The following ADGRD2 variants were observed in gnomAD, a reference collection of about 807,000 sequenced individuals.
ADGRD2 encodes G protein-coupled receptor PGR24.
In ADGRD2, 71 loss-of-function variants were observed where a neutral mutation model predicts 44.4. That is an observed-to-expected ratio of 1.60 (90% CI 1.32 to 1.95). The LOEUF (loss-of-function observed/expected upper bound fraction) is 1.95. Among genes scored for constraint, ADGRD2 ranks in the 30% most tolerant of loss-of-function variants. ADGRD2 has a pLI of 0.00. For synonymous variants in ADGRD2, 481 were observed against 224.8 expected, an observed-to-expected ratio of 2.14 and a Z score of -10.19; for missense variants, 1,039 against 512.4, an observed-to-expected ratio of 2.03 and a Z score of -9.92.
chr9:124,454,106 T>C lies in ADGRD2; in HGVS notation c.1022+9T>C, dbSNP rs907089131. ...CTGCTGCTACCGGACAGGTGCGCCC[T>C]GGCTGTACCCCTGGGCTCTGCTGAA... is the stretch of plus-strand genomic sequence containing the variant. On this transcript the variant is annotated intron_variant, in intron 4 of 21. Coordinates refer to ENST00000334810, the Ensembl canonical transcript of ADGRD2. This position sits in a 1 kb window ranked among gnomAD's most constrained non-coding sequence, Gnocchi z 4.5. The C allele has an allele frequency of 2.9e-6, 2 of 689,306 alleles. No individual in the cohort carries two copies. The highest frequency in any genetic ancestry group is 2.2e-5 in the Admixed American group (1 of 45,112). 42.7% of individuals were successfully genotyped at this position (689,306 alleles called of 1,614,324 possible). A position where few individuals can be genotyped will look rare whatever the true frequency, so the allele number is the denominator to read the frequency against.
At chr9:124,457,271 G>A (rs558543451) in intron 7 of ADGRD2, among the ~76,000 whole-genome samples, 10 of 152,308 alleles carry the variant, frequency 6.6e-5, no homozygotes, top group Admixed American at 3.3e-4. Context: ...CGCGGTGACC[G>A]CCCCTCCTTC....
exon 3 of ADGRD2, chr9:124,453,422 CGGTGCCGTCCGGCGGCATCCT>C: frequency 1.6e-6 from 1 of 640,440 alleles, no homozygotes; most frequent in Non-Finnish European, 2.8e-6. Flanking sequence ...GCCGGCCACC[CGGTGCCGTCCGGCGGCATCCT>C]GGTGCTGGGC....
upstream of ADGRD2, chr9:124,452,015 C>A: frequency 1.9e-6 from 1 of 533,062 alleles, no homozygotes; most frequent in South Asian, 1.8e-5. Flanking sequence ...CCCACCCACC[C>A]CCAGAGTAGG....
exon 10 of ADGRD2, chr9:124,458,674 G>A (rs192153424): frequency 9.7e-6 from 7 of 718,586 alleles, no homozygotes; most frequent in African/African-American, 1.7e-5. Flanking sequence ...GGACGTCACT[G>A]GAGAGGTCAA....
rs1014271126 is a variant in ADGRD2 at position 124,469,549 on chromosome 9, T to C, written c.2637+2T>C. The C allele has an allele frequency of 9.8e-6, 7 of 717,700 alleles. No homozygotes were observed. In the Admixed American group the frequency reaches 1.4e-4, roughly 14 times the overall value. 44.5% of individuals were successfully genotyped at this position (717,700 alleles called of 1,614,324 possible). A position where few individuals can be genotyped will look rare whatever the true frequency, so the allele number is the denominator to read the frequency against. On this transcript the variant is annotated splice_donor_variant, in intron 16 of 21. Transcript: ENST00000334810. LOFTEE classifies it high-confidence loss of function. ...GCAGCAGATCTGGACCCAGATATGG[T>C]GAGGCCCCAGAATGGGGGGCCAGCA... is the stretch of plus-strand genomic sequence containing the variant.
intron 10 of ADGRD2, among the ~76,000 whole-genome samples, chr9:124,459,926 A>G (rs942222993): frequency 6.6e-6 from 1 of 152,216 alleles, no homozygotes; most frequent in Non-Finnish European, 1.5e-5. Flanking sequence ...ACTGAAAGTT[A>G]TATAGGGATT....
At chr9:124,468,367 C>G (rs12004552) in intron 13 of ADGRD2, among the ~76,000 whole-genome samples, 152 bp from the exon 17 acceptor site, 8 of 152,208 alleles carry the variant, frequency 5.3e-5, no homozygotes, top group Admixed American at 4.6e-4. Context: ...GGAAAGGCCC[C>G]GAATGGTGGA....
intron 3 of ADGRD2, 59 bp from the exon 7 acceptor site, chr9:124,453,940 T>C (rs2131227140): frequency 3.9e-6 from 2 of 509,010 alleles, no homozygotes; most frequent in Non-Finnish European, 7.2e-6. Flanking sequence ...CCCGGGGCCG[T>C]GCGTCCTGGC....
chr9:124,455,608 C>T (rs1831600114), intron 6 of ADGRD2, among the ~76,000 whole-genome samples: 1 of 151,168 alleles, frequency 6.6e-6, no homozygotes, highest in Non-Finnish European at 1.5e-5. Flanking sequence ...AAAAAAATTG[C>T]ACTTTAACAA....
At position 124,475,108 on chromosome 9, in the gene ADGRD2, TC is replaced by T. The variant is rs543018459; in HGVS notation, c.2759-335del. ...TTGGAGCCTCAGGAAGGTGTGCCCC[TC>T]CCAACCCCACCACATAGCATGGCGA... On this transcript the variant is annotated intron_variant, in intron 17 of 21. Transcript: ENST00000334810. Among the ~76,000 whole-genome samples, 503 of 152,278 alleles carry T rather than the reference TC, an allele frequency of 3.3e-3. 1 individual carries two copies. Among genetic ancestry groups the T allele is most frequent in the African/African-American group, 0.012 (481 of 41,550 alleles).
At chr9:124,461,870 A>T (rs1831728424) in intron 10 of ADGRD2, among the ~76,000 whole-genome samples, 1 of 151,474 alleles carries the variant, frequency 6.6e-6, no homozygotes, top group Non-Finnish European at 1.5e-5. Flanking sequence ...GCCCCAGCCT[A>T]CAGTAGCTGA....
chr9:124,466,968 G>C, intron 11 of ADGRD2: 1 of 152,572 alleles, frequency 6.6e-6, no homozygotes, highest in African/African-American at 2.4e-5. Flanking sequence ...AGGAACGCTG[G>C]GGTCACTACA....
At chr9:124,463,675 G>A (rs547422781) in intron 10 of ADGRD2, among the ~76,000 whole-genome samples, 96 of 152,176 alleles carry the variant, frequency 6.3e-4, no homozygotes, top group African/African-American at 2.2e-3. Flanking sequence ...GGTAATTTGC[G>A]CCTTTCAAAG....
chr9:124,476,465 A>C, intron 20 of ADGRD2, 50 bp downstream of exon 23: 1 of 683,042 alleles, frequency 1.5e-6, no homozygotes, highest in Non-Finnish European at 2.7e-6. Flanking sequence ...GGGGGCTGGC[A>C]AAGCCAGCAG....
upstream of ADGRD2, chr9:124,451,999 C>CCG: frequency 8.8e-6 from 3 of 340,010 alleles, no homozygotes; most frequent in Admixed American, 4.3e-5. Flanking sequence ...CACTGAATGC[C>CCG]CCCCTCCCAC....
In ADGRD2 at chr9:124,472,207, A is replaced by T. The variant is rs1221664108; in HGVS notation, c.2758+1593A>T. Among the ~76,000 whole-genome samples the T allele has an allele frequency of 2.0e-5, 3 of 152,038 alleles. No individual in the cohort carries two copies. The East Asian group carries it at 5.8e-4, about 29-fold the overall frequency. On this transcript the variant is annotated intron_variant, in intron 17 of 21. Transcript: ENST00000334810. The stretch of plus-strand genomic sequence containing the variant: ...CAATGCCACCGTCGCACCGTCTCAG[A>T]TCCCTCCCTTCAGTTCTCATTCTTT...
In ADGRD2 at chr9:124,467,740, C is replaced by A; in HGVS notation, c.2048C>A (p.Ser683Ter). ...ACACAGAGAGGCCCTGAGGAGGAGT[C>A]GCTGCTGAGGACTCTGTCATTTGTG... Residue 683 changes from serine (S) to a stop codon, truncating the protein, a stop_gained, in exon 12 of 22, where the codon TCG becomes TAG. Transcript: ENST00000334810. LOFTEE classifies it high-confidence loss of function. 1 of 718,438 alleles carries A rather than the reference C, an allele frequency of 1.4e-6. No homozygotes were observed. The highest frequency in any genetic ancestry group is 2.6e-6 in the Non-Finnish European group (1 of 385,066). The allele number at this position is 718,438 out of a possible 1,614,324, so 44.5% of individuals were successfully genotyped here. A position where few individuals can be genotyped will look rare whatever the true frequency, so the allele number is the denominator to read the frequency against.
chr9:124,465,066 CT>C (rs1831793100), intron 10 of ADGRD2: 1 of 152,616 alleles, frequency 6.6e-6, no homozygotes, highest in African/African-American at 2.4e-5. Flanking sequence ...CCACACCATG[CT>C]GGAATGACAG....
rs534365832 is a variant in ADGRD2 at position 124,455,347 on chromosome 9, T to G, written c.1393+220T>G. ...GGCTCACGCCCATAATCCCAGCACT[T>G]TGGGAGGTTGAGGCGGGTGGATCAC... On this transcript the variant is annotated intron_variant, in intron 6 of 21. Transcript: ENST00000334810. Among the ~76,000 whole-genome samples the G allele has an allele frequency of 5.6e-4, 85 of 152,316 alleles. 1 individual carries two copies. Among genetic ancestry groups the G allele is most frequent in the Non-Finnish European group, 1.2e-3 (82 of 68,014 alleles).
Sources: allele counts gnomAD v4.1 joint callset (sites outside exome capture counted in the v4.1 genomes callset), GRCh38; gene constraint gnomAD v4.1.1; non-coding constraint Gnocchi (gnomAD v3.1); transcripts MANE v1.5; gene names NCBI Gene and HGNC (gene_info 2026-07-23, HGNC 2026-07-21).